The following ANK2 variants were observed in gnomAD, a reference collection of about 807,000 sequenced individuals.
The protein encoded by ANK2 is ankyrin 2.
A neutral mutation model predicts 360.5 loss-of-function variants in ANK2; 83 were observed. The observed-to-expected ratio is 0.23, with a 90% CI of 0.19 to 0.28. ANK2 has a LOEUF of 0.28. Ranked by LOEUF, ANK2 falls within the 10% of genes least tolerant of loss-of-function variation. ANK2 has a pLI of 1.00. For synonymous variants in ANK2, 1,740 were observed against 1,759.5 expected (o/e 0.99, Z 0.28); for missense variants, 4,201 against 4,795.7 (o/e 0.88, Z 3.66).
intron 1 of ANK2, among the ~76,000 whole-genome samples, chr4:113,160,615 T>G (rs1319329948): frequency 6.7e-6 from 1 of 150,246 alleles, no homozygotes; most frequent in South Asian, 2.1e-4. Flanking sequence ...TCCCTTATAT[T>G]ATATTTCCAG....
At chr4:113,149,640 C>T (rs975090367) in intron 1 of ANK2, among the ~76,000 whole-genome samples, 6 of 151,508 alleles carry the variant, frequency 4.0e-5, no homozygotes, top group East Asian at 1.9e-4. Context: ...TTTGGGAGGC[C>T]GAGGCAGGCA....
chr4:112,849,118 T>G (rs2064019786), intron 1 of ANK2, among the ~76,000 whole-genome samples: 1 of 152,210 alleles, frequency 6.6e-6, no homozygotes, highest in Non-Finnish European at 1.5e-5. Flanking sequence ...AGTGGGGCAC[T>G]GTCCCAAAAA....
At position 112,826,504 on chromosome 4, in the gene ANK2, C is replaced by A. The variant is rs370942008; in HGVS notation, c.-40+8240C>A. ...TTTGTTACATCTACTGGGACCACAT[C>A]TGACAAGCCTGTTATTGGCACTCCA... On this transcript the variant is annotated intron_variant, in intron 1 of 30. Coordinates refer to the ANK2 transcript ENST00000503271. 1.2e-5 allele frequency: 14 copies of A among 1,200,850 alleles called. No homozygotes were observed. In the African/African-American group the frequency reaches 2.0e-4, roughly 17 times the overall value. The allele number at this position is 1,200,850 out of a possible 1,614,324, so 74.4% of individuals were successfully genotyped here.
intron 1 of ANK2, chr4:113,151,121 A>G: frequency 7.8e-7 from 1 of 1,289,142 alleles, no homozygotes. Context: ...CCAACATTGA[A>G]AAGGTGATGG....
At chr4:112,997,891 T>C (rs2049188981) in intron 2 of ANK2, among the ~76,000 whole-genome samples, 1 of 146,130 alleles carries the variant, frequency 6.8e-6, no homozygotes. Flanking sequence ...ACACATACAT[T>C]ATAGAATTTT....
intron 1 of ANK2, among the ~76,000 whole-genome samples, chr4:112,820,975 G>A (rs544241442): frequency 6.6e-6 from 1 of 152,124 alleles, no homozygotes; most frequent in African/African-American, 2.4e-5. Context: ...GCAATGGCGC[G>A]ATCTTGGCTC....
intron 2 of ANK2, among the ~76,000 whole-genome samples, chr4:113,023,834 G>A (rs1474766471): frequency 2.0e-5 from 3 of 151,586 alleles, no homozygotes; most frequent in African/African-American, 4.9e-5. Flanking sequence ...TTTTCTTCAC[G>A]AGAAGATAAT....
chr4:113,241,682 A>G lies in ANK2; in HGVS notation c.793-429A>G, dbSNP rs192550368. On this transcript the variant is annotated intron_variant, in intron 8 of 45. Coordinates refer to ENST00000357077, the MANE Select transcript of ANK2 (RefSeq NM_001148.6). ...AGAATCATTTTTATATTGGATATTA[A>G]TACCCAAATATTTGTATTCTGTTTT... 4.2e-3 allele frequency among the ~76,000 whole-genome samples: 637 copies of G among 152,276 alleles called. 2 individuals are homozygous for G. Among genetic ancestry groups the G allele is most frequent in the Non-Finnish European group, 7.3e-3 (495 of 68,028 alleles).
chr4:112,932,418 G>A (rs1013573845), intron 2 of ANK2, among the ~76,000 whole-genome samples: 13 of 151,736 alleles, frequency 8.6e-5, no homozygotes, highest in Admixed American at 8.5e-4. Context: ...CATGAACCCG[G>A]GAGGTGGAGC....
chr4:112,818,471 A>G (rs2055997347), intron 1 of ANK2, among the ~76,000 whole-genome samples: 1 of 152,024 alleles, frequency 6.6e-6, no homozygotes. Flanking sequence ...TCTCCATGTG[A>G]TGTGTTTTTC....
At chr4:113,154,576 G>T (rs530033871) in intron 1 of ANK2, among the ~76,000 whole-genome samples, 1 of 152,108 alleles carries the variant, frequency 6.6e-6, no homozygotes, top group African/African-American at 2.4e-5. Flanking sequence ...TTAATATATC[G>T]ACTAATGTGA....
chr4:112,910,135 T>C (rs1400527895), intron 2 of ANK2, among the ~76,000 whole-genome samples: 1 of 152,130 alleles, frequency 6.6e-6, no homozygotes, highest in East Asian at 1.9e-4. Context: ...GCAAAACATA[T>C]AAAGAAACAG....
intron 2 of ANK2, among the ~76,000 whole-genome samples, chr4:113,031,987 A>G (rs1420437018): frequency 6.6e-6 from 1 of 152,024 alleles, no homozygotes; most frequent in Admixed American, 6.6e-5. Flanking sequence ...TGTGTGGTCA[A>G]GTTATAGCTT....
rs2037013390 is a variant in ANK2 at position 112,965,872 on chromosome 4, T to A, written c.21+61358T>A. Reference sequence around the variant, plus strand: ...AATATTCTGGTTATAGCAAACAATGTAATTCTATATTCTAACTATTTTATG... The same window carrying A: ...AATATTCTGGTTATAGCAAACAATGAAATTCTATATTCTAACTATTTTATG... On this transcript the variant is annotated intron_variant, in intron 2 of 30. Coordinates refer to the ANK2 transcript ENST00000503271. Among the ~76,000 whole-genome samples the A allele has an allele frequency of 1.1e-4, 16 of 152,206 alleles. No individual in the cohort carries two copies. The South Asian group carries it at 3.3e-3, about 32-fold the overall frequency.
chr4:113,348,161 T>G, intron 35 of ANK2, 115 bp from the exon 36 acceptor site: 1 of 1,014,356 alleles, frequency 9.9e-7, no homozygotes, highest in Non-Finnish European at 1.5e-6. Flanking sequence ...GACTGTATGC[T>G]TGCCTGTTGA....
At chr4:112,808,394 G>A in the ANK2 span, among the ~76,000 whole-genome samples, 15 of 152,206 alleles carry the variant, frequency 9.9e-5, no homozygotes, top group African/African-American at 3.6e-4. Context: ...TGTGAAAGAA[G>A]GAGTAATCAA....
intron 29 of ANK2, 116 bp downstream of exon 29, chr4:113,333,324 G>A: frequency 4.5e-6 from 6 of 1,329,894 alleles, no homozygotes; most frequent in East Asian, 4.9e-5. Context: ...GTGTGTGTGT[G>A]TGTGTGTCCC....
intron 41 of ANK2, among the ~76,000 whole-genome samples, chr4:113,367,178 T>C (rs2096567934): frequency 1.3e-5 from 2 of 152,194 alleles, no homozygotes; most frequent in Non-Finnish European, 2.9e-5. Context: ...TGATGATTAT[T>C]AACTGTACTC....
intron 9 of ANK2, among the ~76,000 whole-genome samples, chr4:113,248,837 CT>C (rs1273470664): frequency 6.6e-6 from 1 of 152,268 alleles, no homozygotes; most frequent in East Asian, 1.9e-4. Context: ...TTGGGACAAT[CT>C]TTTTTTCTTT....
Sources: gnomAD v4.1 joint callset for allele counts (sites outside exome capture counted in the v4.1 genomes callset) on GRCh38, gnomAD v4.1.1 for gene constraint, MANE v1.5 for transcripts, NCBI Gene and HGNC (gene_info 2026-07-23, HGNC 2026-07-21) for gene names.